The following DTWD2 variants were observed in gnomAD, a reference collection of about 807,000 sequenced individuals.
DTWD2 encodes tRNA-uridine aminocarboxypropyltransferase 2.
Under a neutral mutation model 31.8 loss-of-function variants are expected in DTWD2, and 39 were observed. That is an observed-to-expected ratio of 1.22 (90% CI 0.95 to 1.60). The LOEUF (loss-of-function observed/expected upper bound fraction) is 1.60, where lower values mean the gene tolerates loss of function less well. Among genes scored for constraint, DTWD2 ranks in the 40% most tolerant of loss-of-function variants. DTWD2 has a pLI of 0.00. For missense variants in DTWD2, 515 were observed against 381.5 expected (o/e 1.35, Z -2.92); for synonymous variants, 180 against 142.8 (o/e 1.26, Z -1.86).
At chr5:118,885,595 G>A (rs914697372) in intron 4 of DTWD2, among the ~76,000 whole-genome samples, 9 of 150,924 alleles carry the variant, frequency 6.0e-5, no homozygotes, top group Admixed American at 3.3e-4. Context: ...GCGAAATCTC[G>A]TCTCTACTAA....
intron 1 of DTWD2, among the ~76,000 whole-genome samples, chr5:118,970,767 G>C (rs879117649): frequency 6.6e-6 from 1 of 152,168 alleles, no homozygotes; most frequent in South Asian, 2.1e-4. Context: ...ACAAAGAGAA[G>C]TCCATCAGAC....
rs554216986 is a variant in DTWD2, at chr5:118,890,129, T to C, written c.597+38408A>G. ...CATCTGTTAAGTAAATGCTATATTA[T>C]TACCATTTTACAAATGAGGAAACTA... On this transcript the variant is annotated intron_variant, in intron 4 of 5. Coordinates refer to ENST00000510708, the MANE Select transcript of DTWD2 (RefSeq NM_173666.4). Among the ~76,000 whole-genome samples, 3 of 152,296 alleles carry C rather than the reference T, an allele frequency of 2.0e-5. No individual in the cohort carries two copies. In the East Asian group the frequency reaches 5.8e-4, roughly 29 times the overall value.
At chr5:118,886,292 T>C (rs1394864202) in intron 4 of DTWD2, among the ~76,000 whole-genome samples, 2 of 152,192 alleles carry the variant, frequency 1.3e-5, no homozygotes, top group African/African-American at 4.8e-5. Context: ...AGATTGAGGA[T>C]GATCAAGAGA....
chr5:118,861,948 G>C (rs1163919028), intron 4 of DTWD2, among the ~76,000 whole-genome samples: 1 of 152,172 alleles, frequency 6.6e-6, no homozygotes, highest in East Asian at 1.9e-4. Flanking sequence ...AGTAACAACA[G>C]TAAAGGGGCT....
chr5:118,927,829 T>C (rs1333575350), intron 4 of DTWD2, among the ~76,000 whole-genome samples: 1 of 152,144 alleles, frequency 6.6e-6, no homozygotes, highest in Non-Finnish European at 1.5e-5. Flanking sequence ...TCTAGTATTA[T>C]TTAAACTATT....
chr5:118,905,201 C>A (rs1443037852), intron 4 of DTWD2, among the ~76,000 whole-genome samples: 1 of 152,044 alleles, frequency 6.6e-6, no homozygotes, highest in Non-Finnish European at 1.5e-5. Context: ...TATATTTTCT[C>A]TTTTATTTCA....
At chr5:118,914,836 G>A (rs1753537534) in intron 4 of DTWD2, among the ~76,000 whole-genome samples, 1 of 152,084 alleles carries the variant, frequency 6.6e-6, no homozygotes, top group Non-Finnish European at 1.5e-5. Context: ...GAAATCAAAG[G>A]AGTAAGGCCA....
intron 4 of DTWD2, among the ~76,000 whole-genome samples, chr5:118,919,896 T>A (rs1295823461): frequency 6.6e-6 from 1 of 152,168 alleles, no homozygotes; most frequent in East Asian, 1.9e-4. Flanking sequence ...CTTATACATG[T>A]AAGATGTAGT....
chr5:118,930,541 G>GA (rs1416860141), intron 3 of DTWD2, among the ~76,000 whole-genome samples: 5 of 149,840 alleles, frequency 3.3e-5, no homozygotes, highest in African/African-American at 4.9e-5. Context: ...AAAACCAGAG[G>GA]AAAAAAAAAG....
At chr5:118,987,185 C>G (rs1241221562) in intron 1 of DTWD2, among the ~76,000 whole-genome samples, 1 of 152,194 alleles carries the variant, frequency 6.6e-6, no homozygotes, top group African/African-American at 2.4e-5. Flanking sequence ...CCAACCCCCT[C>G]AGACGACTTG....
At chr5:118,983,511 TTCTC>T (rs575844486) in intron 1 of DTWD2, among the ~76,000 whole-genome samples, 20 of 149,576 alleles carry the variant, frequency 1.3e-4, no homozygotes, top group African/African-American at 4.4e-4. Flanking sequence ...TTTCCCCATT[TTCTC>T]TCTCTCTCTC....
Position 118,928,642 on chromosome 5 carries a change from T to C in DTWD2, c.492A>G (p.Ile164Met). 1 of 1,602,852 alleles carries C rather than the reference T, an allele frequency of 6.2e-7. No homozygotes were observed. ...GAEAANLEEF[I>M]LDSPVYPSTI... The stretch of plus-strand genomic sequence containing the variant: ...TAGAAGGATAAACAGGAGAATCTAA[T>C]ATAAATTCTTCCAAATTAGCAGCTT... Residue 164 changes from isoleucine (I) to methionine (M), a missense_variant, in exon 4 of 6, where the codon ATA becomes ATG. Physicochemically the swap from Ile to Met is conservative, Grantham distance 10. Transcript: ENST00000510708.
At chr5:118,981,047 T>C (rs537078568) in intron 1 of DTWD2, among the ~76,000 whole-genome samples, 38 of 152,336 alleles carry the variant, frequency 2.5e-4, no homozygotes, top group Middle Eastern at 3.4e-3. Flanking sequence ...ATTCATTTGC[T>C]ACAACATGGA....
At chr5:118,894,336 A>G (rs1753037004) in intron 4 of DTWD2, among the ~76,000 whole-genome samples, 1 of 152,202 alleles carries the variant, frequency 6.6e-6, no homozygotes, top group South Asian at 2.1e-4. Context: ...TTGGAAAACA[A>G]AAAACTGATT....
At chr5:118,935,363 C>T (rs540009610) in intron 3 of DTWD2, among the ~76,000 whole-genome samples, 7 of 152,130 alleles carry the variant, frequency 4.6e-5, no homozygotes, top group Middle Eastern at 3.2e-3. Context: ...TTCCTGAGGC[C>T]CGGACTTGCC....
intron 4 of DTWD2, among the ~76,000 whole-genome samples, chr5:118,865,116 CACAAGTGAGT>C (rs1235979912): frequency 6.6e-6 from 1 of 152,122 alleles, no homozygotes; most frequent in Non-Finnish European, 1.5e-5. Context: ...ATGATACACC[CACAAGTGAGT>C]ACTTACAATT....
At chr5:118,949,027 T>C (rs145331342) in intron 1 of DTWD2, among the ~76,000 whole-genome samples, 2,084 of 152,250 alleles carry the variant, frequency 0.014, 40 homozygotes, top group African/African-American at 0.047. Context: ...TTAAGAATTA[T>C]GCCGAGATAG....
intron 5 of DTWD2, among the ~76,000 whole-genome samples, chr5:118,841,728 T>C (rs916407067): frequency 2.6e-5 from 4 of 152,048 alleles, no homozygotes; most frequent in African/African-American, 9.7e-5. Context: ...GTGGCGGCTG[T>C]AATACAACTG....
At chr5:118,976,992 A>T (rs770755504) in intron 1 of DTWD2, among the ~76,000 whole-genome samples, 1 of 152,218 alleles carries the variant, frequency 6.6e-6, no homozygotes, top group African/African-American at 2.4e-5. Flanking sequence ...ATCCACCATG[A>T]TCAAGTCAGC....
Sources: gnomAD v4.1 joint callset for allele counts (sites outside exome capture counted in the v4.1 genomes callset) on GRCh38, gnomAD v4.1.1 for gene constraint, MANE v1.5 for transcripts, NCBI Gene and HGNC (gene_info 2026-07-23, HGNC 2026-07-21) for gene names.